The following FAM193B variants were observed in gnomAD, a reference collection of about 807,000 sequenced individuals.
FAM193B encodes the protein family with sequence similarity 193 member B, also known as protein FAM193B.
FAM193B carries 27 observed loss-of-function variants against 70.7 expected under a neutral mutation model. That is an observed-to-expected ratio of 0.38 (90% CI 0.28 to 0.53). FAM193B has a LOEUF of 0.53. Among genes scored for constraint, FAM193B ranks in the 20% least tolerant of loss-of-function variants. The pLI is 0.81. For synonymous variants in FAM193B, 448 were observed against 436.0 expected (o/e 1.03, Z -0.34); for missense variants, 1,022 against 1,072.5 (o/e 0.95, Z 0.66).
intron 1 of FAM193B, among the ~76,000 whole-genome samples, chr5:177,548,445 G>C (rs1190434389): frequency 6.6e-6 from 1 of 152,148 alleles, no homozygotes; most frequent in Non-Finnish European, 1.5e-5. Flanking sequence ...AAGGTTTTTT[G>C]TTCTGTTTTA....
chr5:177,536,806 C>A, intron 3 of FAM193B, 61 bp from the exon 4 acceptor site: 1 of 1,524,320 alleles, frequency 6.6e-7, no homozygotes, highest in Admixed American at 2.2e-5. Flanking sequence ...AAGGAAAGCC[C>A]ACAGGCTCAC....
Position 177,536,500 on chromosome 5 carries a change from G to C in FAM193B, c.934C>G (p.Leu312Val), listed in dbSNP as rs1764186825. ...AGGAGCGGCATGCTGGTGGAGGGTA[G>C]ATGGGAGCTCTGACATGGCCCTGGA... ...HTPGPCQSSH[L>V]PSTSMPLLKM... The change falls in exon 4 of 9, where the codon CTA (leucine) becomes GTA (valine). Residue 312 changes from leucine (L) to valine (V), a missense_variant. Physicochemically the swap from Leu to Val is conservative, Grantham distance 32 (BLOSUM62 1). Coordinates refer to ENST00000514747, the MANE Select transcript of FAM193B (RefSeq NM_001190946.3). 1.9e-6 allele frequency: 3 copies of C among 1,569,204 alleles called. No homozygotes were observed. The highest frequency in any genetic ancestry group is 2.6e-6 in the Non-Finnish European group (3 of 1,162,884).
At chr5:177,526,813 A>G (rs534349754) in intron 5 of FAM193B, among the ~76,000 whole-genome samples, 19 of 152,324 alleles carry the variant, frequency 1.2e-4, no homozygotes, top group South Asian at 6.2e-4. Flanking sequence ...AGAAGTTCCT[A>G]TGTTTCTCAA....
At position 177,524,888 on chromosome 5, in the gene FAM193B, G is replaced by A; in HGVS notation, c.1593C>T (p.Asn531=). The A allele has an allele frequency of 1.3e-6, 2 of 1,510,860 alleles. No homozygotes were observed. Among genetic ancestry groups the A allele is most frequent in the Non-Finnish European group, 1.8e-6 (2 of 1,131,066 alleles). The allele number at this position is 1,510,860 out of a possible 1,614,324, so 93.6% of individuals were successfully genotyped here. Residue 531 remains asparagine, a synonymous_variant, in exon 6 of 9, where the codon AAC becomes AAT. Transcript: ENST00000514747. Reference sequence around the variant, plus strand: ...CCAAAGTCAAAGGGGACAGGTCAAGGTTGATGTCAGGCTGCTGCTCTGAGG... The same window carrying A: ...CCAAAGTCAAAGGGGACAGGTCAAGATTGATGTCAGGCTGCTGCTCTGAGG... ...SGSSEQQPDI[N]LDLSPLTLGS...
intron 5 of FAM193B, among the ~76,000 whole-genome samples, chr5:177,527,411 G>A (rs1180961444): frequency 2.0e-5 from 3 of 152,206 alleles, no homozygotes; most frequent in Non-Finnish European, 4.4e-5. Context: ...CAGTAGGGTG[G>A]AGAGCGGTGG....
Position 177,538,194 on chromosome 5 carries a change from T to TC in FAM193B, c.454-88dup. ...CTGCCTCAGCTTTTCCTGAGGGAGC[T>TC]CCTTCTCCTCCAGACCATGTGCCAT... On this transcript the variant is annotated intron_variant, in intron 2 of 8. Coordinates refer to ENST00000514747, the MANE Select transcript of FAM193B (RefSeq NM_001190946.3). This position sits in a 1 kb window ranked among gnomAD's most constrained non-coding sequence, Gnocchi z 4.1. 1 of 1,342,516 alleles carries TC rather than the reference T, an allele frequency of 7.4e-7. No individual in the cohort carries two copies. The highest frequency in any genetic ancestry group is 1.0e-6 in the Non-Finnish European group (1 of 997,058). 83.2% of individuals were successfully genotyped at this position (1,342,516 alleles called of 1,614,324 possible).
chr5:177,539,356 T>C (rs1581907414), intron 1 of FAM193B: 1 of 599,608 alleles, frequency 1.7e-6, no homozygotes, highest in East Asian at 3.2e-5. Flanking sequence ...TTTCAAGAAG[T>C]TAAATGAGTT....
rs760844294 is a variant in FAM193B at position 177,539,141 on chromosome 5, G to T, written c.217C>A (p.Pro73Thr). 3.8e-6 allele frequency: 6 copies of T among 1,566,026 alleles called. No individual in the cohort carries two copies. Among genetic ancestry groups the T allele is most frequent in the Middle Eastern group, 1.7e-4 (1 of 5,990 alleles). ...PNLVPGPQVP[P>T]ASSQPVQTCC... Reference sequence around the variant, plus strand: ...GTCTGCACAGGCTGGCTGGAGGCGGGGGGGACCTGTCCAACAGACAGAAAC... The same window carrying T: ...GTCTGCACAGGCTGGCTGGAGGCGGTGGGGACCTGTCCAACAGACAGAAAC... Residue 73 changes from proline (P) to threonine (T), a missense_variant, in exon 2 of 9, where the codon CCC becomes ACC. Transcript: ENST00000514747.
intron 5 of FAM193B, chr5:177,531,624 TTCTC>T (rs1763479214): frequency 2.9e-5 from 29 of 1,017,148 alleles, no homozygotes; most frequent in East Asian, 6.2e-5. Context: ...AAGACAACTG[TTCTC>T]TCTACCATTA....
At chr5:177,545,808 C>G (rs999494495) in intron 1 of FAM193B, among the ~76,000 whole-genome samples, 2 of 152,190 alleles carry the variant, frequency 1.3e-5, no homozygotes, top group Non-Finnish European at 2.9e-5. Flanking sequence ...CAGCACTCAG[C>G]GTGGCCTCAT....
At chr5:177,537,082 G>GCAGAAGC (rs1764266236) in intron 3 of FAM193B, among the ~76,000 whole-genome samples, 1 of 152,200 alleles carries the variant, frequency 6.6e-6, no homozygotes, top group African/African-American at 2.4e-5. Context: ...AGGATGATCT[G>GCAGAAGC]CAGAAGCCAG....
chr5:177,540,379 G>A (rs1581911395), intron 1 of FAM193B, among the ~76,000 whole-genome samples: 1 of 152,008 alleles, frequency 6.6e-6, no homozygotes, highest in Admixed American at 6.6e-5. Context: ...GTCCTGACTG[G>A]GAGACTGATT....
chr5:177,534,667 G>C (rs1763967806), intron 4 of FAM193B, among the ~76,000 whole-genome samples: 1 of 152,102 alleles, frequency 6.6e-6, no homozygotes, highest in South Asian at 2.1e-4. Context: ...CTAGAGTTCA[G>C]TGGCACGATG....
rs537199866 is a variant in FAM193B, at chr5:177,537,790, T to C, written c.688+83A>G. On this transcript the variant is annotated intron_variant, in intron 3 of 8. Coordinates refer to ENST00000514747, the MANE Select transcript of FAM193B (RefSeq NM_001190946.3). ...TTACTTATTTTAGTAACCAGTCTTA[T>C]GATTTGTTTGAACAAAGTGGATAGG... is the stretch of plus-strand genomic sequence containing the variant. 17 of 1,478,274 alleles carry C rather than the reference T, an allele frequency of 1.1e-5. No homozygotes were observed. The East Asian group carries it at 2.4e-4, about 21-fold the overall frequency. 91.6% of individuals were successfully genotyped at this position (1,478,274 alleles called of 1,614,324 possible). A position where few individuals can be genotyped will look rare whatever the true frequency, so the allele number is the denominator to read the frequency against.
intron 1 of FAM193B, chr5:177,553,849 C>A (rs772157440): frequency 1.6e-6 from 2 of 1,275,292 alleles, no homozygotes; most frequent in South Asian, 1.3e-5. Flanking sequence ...AGGGAAGAGG[C>A]TGCAGTCGTC....
rs755306731 is a variant in FAM193B, at chr5:177,523,944, A to C, written c.2372+13T>G. ...GTCCTCCACAAGTGGGAGAGCAGGCAGCCCACACCTACCTCTTAAAGTACT... is the reference window on the plus strand; with the variant it reads ...GTCCTCCACAAGTGGGAGAGCAGGCCGCCCACACCTACCTCTTAAAGTACT... On this transcript the variant is annotated intron_variant, in intron 7 of 8. Transcript: ENST00000514747. The C allele has an allele frequency of 1.9e-6, 3 of 1,613,884 alleles. No individual in the cohort carries two copies. The highest frequency in any genetic ancestry group is 1.7e-6 in the Non-Finnish European group (2 of 1,179,746).
In FAM193B at chr5:177,537,904, G is replaced by A. The variant is rs1253844754; in HGVS notation, c.657C>T (p.Gly219=). 1 of 1,605,134 alleles carries A rather than the reference G, an allele frequency of 6.2e-7. No individual in the cohort carries two copies. The highest frequency in any genetic ancestry group is 2.2e-5 in the East Asian group (1 of 44,650). Residue 219 remains glycine, a synonymous_variant, in exon 3 of 9, where the codon GGC becomes GGT. Coordinates refer to ENST00000514747, the MANE Select transcript of FAM193B (RefSeq NM_001190946.3). The part of the protein sequence containing the change: ...NSPHSSGAMP[G]SSLGSPPTIP... Reference sequence around the variant, plus strand: ...TGGTAGGAGGACTCCCAAGAGAGCTGCCTGGCATGGCCCCACTGGAATGTG... The same window carrying A: ...TGGTAGGAGGACTCCCAAGAGAGCTACCTGGCATGGCCCCACTGGAATGTG...
rs572879883 is a variant in FAM193B, at chr5:177,534,737, G to A, written c.1076+1621C>T. Among the ~76,000 whole-genome samples the A allele has an allele frequency of 4.3e-4, 65 of 152,188 alleles. No homozygotes were observed. The South Asian group carries it at 4.8e-3, about 11-fold the overall frequency. On this transcript the variant is annotated intron_variant, in intron 4 of 8. Coordinates refer to ENST00000514747, the MANE Select transcript of FAM193B (RefSeq NM_001190946.3). ...GCGATCCTGTCCCACTTCAGCCCCC[G>A]CAACCTAAGTAGCTGGAACTAGAGG...
intron 5 of FAM193B, chr5:177,525,440 C>T (rs752693676): frequency 2.5e-6 from 1 of 394,824 alleles, no homozygotes; most frequent in Non-Finnish European, 4.4e-6. Context: ...ACAGCTTGTT[C>T]ACCCAGAGCC....
Sources: gnomAD v4.1 joint callset for allele counts (sites outside exome capture counted in the v4.1 genomes callset) on GRCh38, gnomAD v4.1.1 for gene constraint, Gnocchi (gnomAD v3.1) non-coding constraint, MANE v1.5 for transcripts, NCBI Gene and HGNC (gene_info 2026-07-23, HGNC 2026-07-21) for gene names.